TRAPPC12: variants seen among roughly 807,000 people sequenced by gnomAD.
TRAPPC12 encodes the protein TPR repeat protein 15.
In TRAPPC12, 61 loss-of-function variants were observed where a neutral mutation model predicts 69.2. The observed-to-expected ratio is 0.88, with a 90% CI of 0.72 to 1.09. The LOEUF (loss-of-function observed/expected upper bound fraction) is 1.09. TRAPPC12 is among the 50% of genes least tolerant of loss of function. The pLI is 0.00. For synonymous variants in TRAPPC12, 469 were observed against 438.9 expected, an observed-to-expected ratio of 1.07 and a Z score of -0.86; for missense variants, 1,101 against 1,016.4, an observed-to-expected ratio of 1.08 and a Z score of -1.13.
intron 6 of TRAPPC12, chr2:3,455,982 G>A (rs1180544551): frequency 6.6e-6 from 1 of 152,188 alleles, no homozygotes; most frequent in South Asian, 2.1e-4. Flanking sequence ...CTGTGGACAA[G>A]GGGTGAGGGA....
chr2:3,387,780 G>C lies in TRAPPC12; in HGVS notation c.157G>C (p.Glu53Gln), dbSNP rs1419834055. Reference sequence around the variant, plus strand: ...ATCCGAAGAGAACGAGACCGCATCGGAAGGCTCGAGTCCTCTCGCGGACAA... The same window carrying C: ...ATCCGAAGAGAACGAGACCGCATCGCAAGGCTCGAGTCCTCTCGCGGACAA... ...FGSEENETAS[E>Q]GSSPLADKLN... The change falls in exon 2 of 12, where the codon GAA becomes CAA. Residue 53 changes from glutamate to glutamine, a missense_variant. Physicochemically the swap from Glu to Gln is conservative, Grantham distance 29. Coordinates refer to ENST00000324266, the MANE Select transcript of TRAPPC12 (RefSeq NM_016030.6). 6 of 1,613,230 alleles carry C rather than the reference G, an allele frequency of 3.7e-6. No individual in the cohort carries two copies. Among genetic ancestry groups the C allele is most frequent in the South Asian group, 2.2e-5 (2 of 90,890 alleles).
chr2:3,396,737 A>G (rs1024293030), intron 2 of TRAPPC12, among the ~76,000 whole-genome samples: 9 of 151,786 alleles, frequency 5.9e-5, no homozygotes, highest in African/African-American at 1.5e-4. Flanking sequence ...AATCCTATTC[A>G]GTGACTTTTC....
chr2:3,476,094 G>A (rs1217409552), intron 9 of TRAPPC12, among the ~76,000 whole-genome samples: 1 of 152,232 alleles, frequency 6.6e-6, no homozygotes, highest in Non-Finnish European at 1.5e-5. Context: ...GCTTCGGACT[G>A]TGCAGACGAC....
At chr2:3,415,439 T>C (rs1159474101) in intron 3 of TRAPPC12, among the ~76,000 whole-genome samples, 1 of 144,876 alleles carries the variant, frequency 6.9e-6, no homozygotes, top group Admixed American at 6.6e-5. Flanking sequence ...AGAGTTTGGC[T>C]CTGTGGCCCA....
At chr2:3,404,408 G>A (rs1453907334) in intron 3 of TRAPPC12, among the ~76,000 whole-genome samples, 1 of 152,066 alleles carries the variant, frequency 6.6e-6, no homozygotes, top group Admixed American at 6.6e-5. Flanking sequence ...TCTCGATCTT[G>A]ATTTTTAACT....
chr2:3,411,188 T>C (rs1334726100), intron 3 of TRAPPC12, among the ~76,000 whole-genome samples: 1 of 152,244 alleles, frequency 6.6e-6, no homozygotes, highest in Non-Finnish European at 1.5e-5. Flanking sequence ...CTATACTTAG[T>C]AGTAACTTAC....
rs1662995349 is a variant in TRAPPC12 at position 3,424,661 on chromosome 2, G to C, written c.1415G>C (p.Arg472Thr). ...TACCCGCACGTGTACCCTGGGCGCA[G>C]GGGTAAGGCCATGGTATTTAATATT... ...EYYPHVYPGR[R>T]GSMVPFSMRI... Residue 472 changes from arginine (R) to threonine (T), a missense_variant and splice_region_variant, in exon 5 of 12, where the codon AGG (arginine) becomes ACG (threonine). Transcript: ENST00000324266. 2.5e-6 allele frequency: 4 copies of C among 1,602,678 alleles called. No homozygotes were observed. Among genetic ancestry groups the C allele is most frequent in the Non-Finnish European group, 3.4e-6 (4 of 1,175,610 alleles).
At chr2:3,401,161 C>A (rs756210714) in intron 2 of TRAPPC12, among the ~76,000 whole-genome samples, 1 of 152,200 alleles carries the variant, frequency 6.6e-6, no homozygotes, top group Non-Finnish European at 1.5e-5. Flanking sequence ...GCGAGGCTAC[C>A]GAGGACCTGC....
intron 1 of TRAPPC12, among the ~76,000 whole-genome samples, chr2:3,383,871 GTT>G (rs34956958): frequency 1.8e-4 from 15 of 85,578 alleles, no homozygotes; most frequent in Non-Finnish European, 3.5e-4. Flanking sequence ...GTTCAGTCTT[GTT>G]TTTTTTTTTT....
chr2:3,380,071 A>G (rs778800123), intron 1 of TRAPPC12, among the ~76,000 whole-genome samples, 195 bp downstream of exon 1: 9 of 151,576 alleles, frequency 5.9e-5, no homozygotes, highest in Non-Finnish European at 1.3e-4. Context: ...GCCAGGCTCC[A>G]CGTCGCCGCG....
intron 1 of TRAPPC12, among the ~76,000 whole-genome samples, chr2:3,380,118 T>C (rs963373760): frequency 6.6e-6 from 1 of 151,964 alleles, no homozygotes; most frequent in African/African-American, 2.4e-5. Context: ...GCTGGAAGCG[T>C]CTCTGCAGCC....
rs73131546 is a variant in TRAPPC12, at chr2:3,430,831, G to A, written c.1417+6168G>A. On this transcript the variant is annotated intron_variant, in intron 5 of 11. Coordinates refer to ENST00000324266, the MANE Select transcript of TRAPPC12 (RefSeq NM_016030.6). ...CATTTACCAGACAGCTTTCCAAAAC[G>A]TTTCCTAAGGGAGCTGCTGCACACT... Among the ~76,000 whole-genome samples the A allele has an allele frequency of 7.5e-3, 1,138 of 152,330 alleles. 15 individuals carry two copies. The highest frequency in any genetic ancestry group is 0.026 in the African/African-American group (1,071 of 41,576).
rs538279415 is a variant in TRAPPC12, at chr2:3,387,020, C to A, written c.-4-600C>A. On this transcript the variant is annotated intron_variant, in intron 1 of 11. Transcript: ENST00000324266. ...GAATTACCATATAATCCAGCAGTTC[C>A]TTCTAGGTATTTACCCAAAATGATT... Among the ~76,000 whole-genome samples the A allele has an allele frequency of 1.7e-4, 26 of 152,292 alleles. No individual in the cohort carries two copies. In the South Asian group the frequency reaches 5.4e-3, roughly 32 times the overall value.
At chr2:3,453,486 C>T (rs1016524736) in intron 6 of TRAPPC12, among the ~76,000 whole-genome samples, 12 of 152,210 alleles carry the variant, frequency 7.9e-5, no homozygotes, top group African/African-American at 2.9e-4. Context: ...GGCACTGTTG[C>T]CTCATCTCTG....
At chr2:3,415,286 G>A (rs1395321402) in intron 3 of TRAPPC12, among the ~76,000 whole-genome samples, 1 of 152,224 alleles carries the variant, frequency 6.6e-6, no homozygotes, top group Non-Finnish European at 1.5e-5. Context: ...TTATAAAGCA[G>A]GCCTTGTGTT....
Position 3,411,937 on chromosome 2 carries a change from A to G in TRAPPC12, c.1165-9944A>G, listed in dbSNP as rs1433797161. On this transcript the variant is annotated intron_variant, in intron 3 of 11. Coordinates refer to ENST00000324266, the MANE Select transcript of TRAPPC12 (RefSeq NM_016030.6). Reference sequence around the variant, plus strand: ...TATCCTGACTTGTATCTTTTTTTAAAAAAATTCTAATTTTTTTAGGCTAAC... The same window carrying G: ...TATCCTGACTTGTATCTTTTTTTAAGAAAATTCTAATTTTTTTAGGCTAAC... 2.6e-5 allele frequency among the ~76,000 whole-genome samples: 4 copies of G among 152,158 alleles called. No individual in the cohort carries two copies. In the East Asian group the frequency reaches 7.7e-4, roughly 29 times the overall value.
In TRAPPC12 at chr2:3,419,875, C is replaced by A. The variant is rs140605948; in HGVS notation, c.1165-2006C>A. ...ATAGCATGGACAACACCAAGTGCCA[C>A]GGGACGTGCAGCCGTGGGACCCCTC... On this transcript the variant is annotated intron_variant, in intron 3 of 11. Transcript: ENST00000324266. 5.7e-3 allele frequency among the ~76,000 whole-genome samples: 875 copies of A among 152,290 alleles called. 5 individuals are homozygous for A. Among genetic ancestry groups the A allele is most frequent in the African/African-American group, 0.02 (827 of 41,552 alleles).
intron 5 of TRAPPC12, among the ~76,000 whole-genome samples, chr2:3,441,676 T>G (rs375268708): frequency 6.7e-6 from 1 of 148,928 alleles, no homozygotes; most frequent in African/African-American, 2.4e-5. Context: ...TTTCTTATAA[T>G]AAAATATTTT....
chr2:3,441,972 G>A lies in TRAPPC12; in HGVS notation c.1418-1807G>A, dbSNP rs1221984466. On this transcript the variant is annotated intron_variant, in intron 5 of 11. Transcript: ENST00000324266. Reference sequence around the variant, plus strand: ...TGTCCATGGGCAGTTGTCAGGATAAGGGGCAGCTAACTTTCTGCCACCTTC... The same window carrying A: ...TGTCCATGGGCAGTTGTCAGGATAAAGGGCAGCTAACTTTCTGCCACCTTC... Among the ~76,000 whole-genome samples, 4 of 152,202 alleles carry A rather than the reference G, an allele frequency of 2.6e-5. No homozygotes were observed. The East Asian group carries it at 7.7e-4, about 29-fold the overall frequency.
Sources: allele counts gnomAD v4.1 joint callset (sites outside exome capture counted in the v4.1 genomes callset), GRCh38; gene constraint gnomAD v4.1.1; transcripts MANE v1.5; gene names NCBI Gene and HGNC (gene_info 2026-07-23, HGNC 2026-07-21).